WWOX: variants seen among roughly 807,000 people sequenced by gnomAD.
WWOX encodes the protein WW domain-containing oxidoreductase.
Under a neutral mutation model 46.2 loss-of-function variants are expected in WWOX, and 69 were observed. That is an observed-to-expected ratio of 1.49 (90% CI 1.23 to 1.82). The LOEUF is 1.82. WWOX is among the 40% of genes most tolerant of loss of function. WWOX has a pLI of 0.00. For missense variants in WWOX, 919 were observed against 542.6 expected, an observed-to-expected ratio of 1.69 and a Z score of -6.89; for synonymous variants, 359 against 202.6, an observed-to-expected ratio of 1.77 and a Z score of -6.56.
intron 8 of WWOX, among the ~76,000 whole-genome samples, chr16:78,983,225 A>C (rs965888648): frequency 6.6e-6 from 1 of 152,230 alleles, no homozygotes; most frequent in Non-Finnish European, 1.5e-5. Context: ...GGACACTCAA[A>C]TTGTTTATCC....
intron 8 of WWOX, among the ~76,000 whole-genome samples, chr16:78,938,072 C>T (rs2045778653): frequency 6.6e-6 from 1 of 152,224 alleles, no homozygotes; most frequent in Non-Finnish European, 1.5e-5. Context: ...GGGCAGCCAG[C>T]AGCAGGGCTA....
intron 8 of WWOX, among the ~76,000 whole-genome samples, chr16:78,799,673 C>T (rs1474077068): frequency 6.6e-6 from 1 of 152,124 alleles, no homozygotes; most frequent in Non-Finnish European, 1.5e-5. Context: ...GCATACTGAC[C>T]TTTCTGCTCT....
At chr16:79,170,906 A>C (rs1274679556) in intron 8 of WWOX, among the ~76,000 whole-genome samples, 1 of 152,214 alleles carries the variant, frequency 6.6e-6, no homozygotes, top group African/African-American at 2.4e-5. Flanking sequence ...TGTGCTGATT[A>C]TTAGTGCCTT....
intron 8 of WWOX, among the ~76,000 whole-genome samples, chr16:79,064,785 G>A (rs1350234506): frequency 2.0e-5 from 3 of 152,186 alleles, no homozygotes; most frequent in Admixed American, 6.5e-5. Context: ...CACAGCACTG[G>A]GTGTGAGGAA....
chr16:78,584,289 T>C (rs2045138935), intron 8 of WWOX, among the ~76,000 whole-genome samples: 1 of 152,226 alleles, frequency 6.6e-6, no homozygotes, highest in Non-Finnish European at 1.5e-5. Flanking sequence ...TTCCCAACCA[T>C]GGAGTCATGA....
At chr16:79,176,838 T>A (rs2050809659) in intron 8 of WWOX, among the ~76,000 whole-genome samples, 1 of 152,140 alleles carries the variant, frequency 6.6e-6, no homozygotes. Flanking sequence ...AATATAGTAA[T>A]TCATCTTTAT....
intron 8 of WWOX, chr16:78,994,372 G>A (rs1191416470): frequency 6.6e-6 from 1 of 152,160 alleles, no homozygotes; most frequent in African/African-American, 2.4e-5. Flanking sequence ...GAAAGAAGAA[G>A]GAGATAGGAC....
intron 4 of WWOX, among the ~76,000 whole-genome samples, chr16:78,144,469 A>T (rs867062635): frequency 7.1e-5 from 1 of 14,100 alleles, no homozygotes; most frequent in Non-Finnish European, 1.3e-4. Context: ...ATATACACAC[A>T]TATATATATA....
intron 5 of WWOX, among the ~76,000 whole-genome samples, chr16:78,261,018 A>C (rs1413671840): frequency 6.6e-6 from 1 of 150,648 alleles, no homozygotes; most frequent in Non-Finnish European, 1.5e-5. Flanking sequence ...ATTTTTATTG[A>C]TTCATAAATA....
intron 8 of WWOX, among the ~76,000 whole-genome samples, chr16:78,937,737 G>A (rs2045771163): frequency 1.3e-5 from 2 of 151,828 alleles, no homozygotes; most frequent in Admixed American, 1.3e-4. Context: ...CGATTCTCCT[G>A]CCTCAGCCTC....
At chr16:78,933,795 A>G (rs1377352528) in intron 8 of WWOX, among the ~76,000 whole-genome samples, 2 of 152,082 alleles carry the variant, frequency 1.3e-5, no homozygotes, top group East Asian at 1.9e-4. Flanking sequence ...CCCGTAATTC[A>G]ATTACCTCCC....
intron 8 of WWOX, among the ~76,000 whole-genome samples, chr16:79,196,044 C>G (rs577985599): frequency 2.0e-5 from 3 of 152,290 alleles, no homozygotes; most frequent in Non-Finnish European, 2.9e-5. Flanking sequence ...GCAATTTAAT[C>G]AGTAGGAACC....
intron 8 of WWOX, among the ~76,000 whole-genome samples, chr16:78,914,833 C>A (rs190461203): frequency 2.1e-5 from 3 of 144,568 alleles, no homozygotes; most frequent in East Asian, 2.1e-4. Context: ...GAGCCAGGAT[C>A]GCGCCACTGC....
intron 8 of WWOX, among the ~76,000 whole-genome samples, chr16:79,078,722 G>C (rs1342732154): frequency 1.3e-5 from 2 of 152,190 alleles, no homozygotes; most frequent in African/African-American, 4.8e-5. Context: ...ACAGTTTATA[G>C]CCAGATTGGA....
intron 6 of WWOX, among the ~76,000 whole-genome samples, chr16:78,388,172 A>G (rs1308828718): frequency 6.6e-6 from 1 of 152,184 alleles, no homozygotes; most frequent in East Asian, 1.9e-4. Context: ...CTGGGACTAC[A>G]GATGCCTGCC....
intron 8 of WWOX, among the ~76,000 whole-genome samples, chr16:78,837,236 C>T (rs1274801273): frequency 6.6e-6 from 1 of 152,170 alleles, no homozygotes; most frequent in Admixed American, 6.5e-5. Context: ...GTAAAAATGT[C>T]ACTTGCTCTT....
chr16:79,107,127 G>A (rs1310965803), intron 8 of WWOX, among the ~76,000 whole-genome samples: 1 of 151,992 alleles, frequency 6.6e-6, no homozygotes, highest in Admixed American at 6.6e-5. Context: ...TTTTTGTAGA[G>A]GCAGAATCTT....
intron 8 of WWOX, among the ~76,000 whole-genome samples, chr16:78,533,444 A>C (rs929228042): frequency 6.6e-6 from 1 of 151,864 alleles, no homozygotes; most frequent in African/African-American, 2.4e-5. Context: ...AAATCTCATA[A>C]TGTTTTAAGA....
intron 5 of WWOX, among the ~76,000 whole-genome samples, chr16:78,220,129 C>T (rs1262374494): frequency 6.6e-6 from 1 of 152,134 alleles, no homozygotes; most frequent in Admixed American, 6.5e-5. Context: ...ATTCGGGGTA[C>T]TCCCTCAAAT....
Sources: allele counts gnomAD v4.1 joint callset (sites outside exome capture counted in the v4.1 genomes callset), GRCh38; gene constraint gnomAD v4.1.1; transcripts MANE v1.5; gene names NCBI Gene and HGNC (gene_info 2026-07-23, HGNC 2026-07-21).